GREB1L: variants seen among roughly 807,000 people sequenced by gnomAD.
The protein encoded by GREB1L is GREB1-like protein.
A neutral mutation model predicts 200.8 loss-of-function variants in GREB1L; 17 were observed. The observed-to-expected ratio is 0.08, with a 90% CI of 0.06 to 0.13. The LOEUF is 0.13. Ranked by LOEUF, GREB1L falls within the 10% of genes least tolerant of loss-of-function variation. The probability of loss-of-function intolerance (pLI) is 1.00; values close to 1 mark genes in which losing one functional copy is unlikely to be tolerated. For synonymous variants in GREB1L, 789 were observed against 893.0 expected, an observed-to-expected ratio of 0.88 and a Z score of 2.08; for missense variants, 1,657 against 2,367.7, an observed-to-expected ratio of 0.70 and a Z score of 6.23.
chr18:21,454,647 C>G (rs1487257566), intron 15 of GREB1L, 84 bp downstream of exon 15: 1 of 1,016,856 alleles, frequency 9.8e-7, no homozygotes, highest in Non-Finnish European at 1.5e-6. Flanking sequence ...ATCCAAACGT[C>G]TAGAGGATGC....
intron 16 of GREB1L, among the ~76,000 whole-genome samples, chr18:21,473,429 G>A (rs940852028): frequency 1.3e-5 from 2 of 151,950 alleles, no homozygotes; most frequent in African/African-American, 2.4e-5. Context: ...AATTAGCTGG[G>A]CCTGGTAGTG....
chr18:21,245,120 G>T (rs978078425), intron 1 of GREB1L, among the ~76,000 whole-genome samples: 16 of 152,138 alleles, frequency 1.1e-4, no homozygotes, highest in African/African-American at 3.6e-4. Context: ...TGATTGTAAG[G>T]TTGTGAAAGT....
At position 21,516,603 on chromosome 18, in the gene GREB1L, T is replaced by G; in HGVS notation, c.5130-10T>G. On this transcript the variant is annotated splice_polypyrimidine_tract_variant and intron_variant, in intron 29 of 32. Coordinates refer to ENST00000424526, the MANE Select transcript of GREB1L (RefSeq NM_001142966.3). The stretch of plus-strand genomic sequence containing the variant: ...AGCGGAAGAAAACTATTGTTGTGGT[T>G]ACAATTTAGGTATTTCTGTGAAGAT... The G allele has an allele frequency of 6.4e-7, 1 of 1,550,914 alleles. No homozygotes were observed. Among genetic ancestry groups the G allele is most frequent in the Non-Finnish European group, 8.7e-7 (1 of 1,146,400 alleles).
rs537731049 is a variant in GREB1L at position 21,284,672 on chromosome 18, A to G, written c.-120+42279A>G. On this transcript the variant is annotated intron_variant, in intron 1 of 32. Coordinates refer to ENST00000424526, the MANE Select transcript of GREB1L (RefSeq NM_001142966.3). ...AATTTTTGTATGGATGTATGTTTTC[A>G]TTTCTCTTGGACACGTACCTAGTCC... 7.0e-4 allele frequency among the ~76,000 whole-genome samples: 107 copies of G among 152,156 alleles called. No homozygotes were observed. In the Middle Eastern group the frequency reaches 0.01, roughly 15 times the overall value.
At chr18:21,321,342 A>G (rs2038948343) in intron 1 of GREB1L, among the ~76,000 whole-genome samples, 1 of 152,042 alleles carries the variant, frequency 6.6e-6, no homozygotes, top group Non-Finnish European at 1.5e-5. Flanking sequence ...CAGAAACTAA[A>G]GAAATCTTCC....
chr18:21,288,158 A>G (rs1209656115), intron 1 of GREB1L, among the ~76,000 whole-genome samples: 2 of 151,786 alleles, frequency 1.3e-5, no homozygotes, highest in Non-Finnish European at 2.9e-5. Flanking sequence ...TTTTTCCCCC[A>G]TTCTTTTTTT....
chr18:21,307,934 G>C (rs548382589), intron 1 of GREB1L, among the ~76,000 whole-genome samples: 2 of 152,126 alleles, frequency 1.3e-5, no homozygotes, highest in Non-Finnish European at 2.9e-5. Context: ...CAGTTCTGCC[G>C]TTACTGTTGC....
rs374840878 is a variant in GREB1L at position 21,416,618 on chromosome 18, C to T, written c.832+12624C>T. On this transcript the variant is annotated intron_variant, in intron 7 of 32. Transcript: ENST00000424526. ...CTGAGGCAGGAGAATGGCGTGAACC[C>T]GGGAGGCAGAGCTTGCAGTGAGCCA... Among the ~76,000 whole-genome samples the T allele has an allele frequency of 7.4e-5, 11 of 149,354 alleles. No homozygotes were observed. In the East Asian group the frequency reaches 2.0e-3, roughly 28 times the overall value.
In GREB1L at chr18:21,365,531, G is replaced by A. The variant is rs79176108; in HGVS notation, c.-119-496G>A. On this transcript the variant is annotated intron_variant, in intron 1 of 32. Coordinates refer to ENST00000424526, the MANE Select transcript of GREB1L (RefSeq NM_001142966.3). ...AGAAACAATAGCTCTTGTTCTTTTT[G>A]CAGGCTTTCTTACTGGAAAATTTTC... Among the ~76,000 whole-genome samples the A allele has an allele frequency of 7.3e-3, 1,113 of 152,162 alleles. 15 individuals are homozygous for A. Among genetic ancestry groups the A allele is most frequent in the African/African-American group, 0.025 (1,050 of 41,556 alleles).
intron 18 of GREB1L, 146 bp downstream of exon 18, chr18:21,485,899 C>G (rs2036109217): frequency 1.4e-6 from 1 of 696,904 alleles, no homozygotes; most frequent in Non-Finnish European, 2.3e-6. Context: ...ACAGCCTTTC[C>G]TAAGATGCCC....
At chr18:21,501,718 T>C (rs1190988558) in intron 23 of GREB1L, among the ~76,000 whole-genome samples, 2 of 152,224 alleles carry the variant, frequency 1.3e-5, no homozygotes, top group African/African-American at 2.4e-5. Context: ...CCTTTGTTGA[T>C]TGGTCAGAGT....
In GREB1L at chr18:21,436,669, G is replaced by GGTGTGTGTGTGT. The variant is rs71178172; in HGVS notation, c.833-2815_833-2804dup. ...AGATAGAATCCCAGAAAAGTTCAGTGGTGTGTGTGTGTGTGTGTGTGTGTG... is the reference window on the plus strand; with the variant it reads ...AGATAGAATCCCAGAAAAGTTCAGTGGTGTGTGTGTGTGTGTGTGTGTGTGTGTGTGTGTGTG... On this transcript the variant is annotated intron_variant, in intron 7 of 32. Transcript: ENST00000424526. 6.2e-3 allele frequency among the ~76,000 whole-genome samples: 817 copies of GGTGTGTGTGTGT among 132,512 alleles called. 5 individuals carry two copies. Among genetic ancestry groups the GGTGTGTGTGTGT allele is most frequent in the African/African-American group, 0.012 (412 of 34,932 alleles). 86.9% of individuals were successfully genotyped at this position (132,512 alleles called of 152,430 possible).
rs76383180 is a variant in GREB1L, at chr18:21,337,291, G to A, written c.-119-28736G>A. Among the ~76,000 whole-genome samples the A allele has an allele frequency of 5.3e-5, 8 of 152,018 alleles. No homozygotes were observed. In the East Asian group the frequency reaches 1.4e-3, roughly 26 times the overall value. Reference sequence around the variant, plus strand: ...AGCTTTTGGGATTCTTTTGCTGTTTGTTTTTAGTGTTTTGATTTTTTTTTT... The same window carrying A: ...AGCTTTTGGGATTCTTTTGCTGTTTATTTTTAGTGTTTTGATTTTTTTTTT... On this transcript the variant is annotated intron_variant, in intron 1 of 32. Transcript: ENST00000424526.
chr18:21,429,317 C>CCTCTT lies in GREB1L; in HGVS notation c.833-10202_833-10198dup, dbSNP rs1468024796. Among the ~76,000 whole-genome samples, 6 of 134,734 alleles carry CCTCTT rather than the reference C, an allele frequency of 4.5e-5. No individual in the cohort carries two copies. The South Asian group carries it at 1.6e-3, about 36-fold the overall frequency. The allele number at this position is 134,734 out of a possible 152,430, so 88.4% of individuals were successfully genotyped here. A position where few individuals can be genotyped will look rare whatever the true frequency, so the allele number is the denominator to read the frequency against. On this transcript the variant is annotated intron_variant, in intron 7 of 32. Coordinates refer to ENST00000424526, the MANE Select transcript of GREB1L (RefSeq NM_001142966.3). ...CCTCTCCTCTCCTCTCCTCTCCTCT[C>CCTCTT]CTCTTCCTTTCCTTTCTTCTTTTCC...
chr18:21,398,827 T>C (rs1263166797), intron 5 of GREB1L, among the ~76,000 whole-genome samples: 1 of 152,162 alleles, frequency 6.6e-6, no homozygotes, highest in Non-Finnish European at 1.5e-5. Flanking sequence ...TACCATGCAA[T>C]TGGAAGACTT....
In GREB1L at chr18:21,330,127, T is replaced by C. The variant is rs2039086625; in HGVS notation, c.-119-35900T>C. Among the ~76,000 whole-genome samples, 3 of 152,198 alleles carry C rather than the reference T, an allele frequency of 2.0e-5. No homozygotes were observed. The South Asian group carries it at 6.2e-4, about 31-fold the overall frequency. On this transcript the variant is annotated intron_variant, in intron 1 of 32. Transcript: ENST00000424526. ...GCTATGGGTCAGCTGTCAATTGCTC[T>C]GTTGGCTGGGCAGGCAGGTCAGCTG...
At chr18:21,286,984 C>A (rs2038367733) in intron 1 of GREB1L, among the ~76,000 whole-genome samples, 1 of 152,128 alleles carries the variant, frequency 6.6e-6, no homozygotes, top group Non-Finnish European at 1.5e-5. Flanking sequence ...TTATACTCTA[C>A]TTCTAGTCAT....
intron 1 of GREB1L, among the ~76,000 whole-genome samples, chr18:21,247,451 C>T (rs1367182786): frequency 1.3e-5 from 2 of 152,016 alleles, no homozygotes; most frequent in Admixed American, 6.6e-5. Context: ...CTTCTCTGTT[C>T]CTGGTCATAG....
In GREB1L at chr18:21,508,283, G is replaced by C; in HGVS notation, c.4530+4G>C. On this transcript the variant is annotated splice_donor_region_variant and intron_variant, in intron 26 of 32. Coordinates refer to ENST00000424526, the MANE Select transcript of GREB1L (RefSeq NM_001142966.3). ...GCTGCCCCTGGTTTCAGACAAGGTGGGTGAGAGCATCTGGACTGGCAGGCA... is the reference window on the plus strand; with the variant it reads ...GCTGCCCCTGGTTTCAGACAAGGTGCGTGAGAGCATCTGGACTGGCAGGCA... 1.3e-6 allele frequency: 2 copies of C among 1,551,634 alleles called. No individual in the cohort carries two copies. The highest frequency in any genetic ancestry group is 1.7e-6 in the Non-Finnish European group (2 of 1,147,020).
Sources: allele counts gnomAD v4.1 joint callset (sites outside exome capture counted in the v4.1 genomes callset), GRCh38; gene constraint gnomAD v4.1.1; transcripts MANE v1.5; gene names NCBI Gene and HGNC (gene_info 2026-07-23, HGNC 2026-07-21).